Variants in FAM13C observed in about 807,000 individuals in gnomAD.
FAM13C encodes the protein protein FAM13C.
Under a neutral mutation model 73.2 loss-of-function variants are expected in FAM13C, and 37 were observed. The ratio of observed to expected loss-of-function variants is 0.51; its 90% CI spans 0.39 to 0.67. The LOEUF (loss-of-function observed/expected upper bound fraction) is 0.67, where lower values mean the gene tolerates loss of function less well. Among genes scored for constraint, FAM13C ranks in the 30% least tolerant of loss-of-function variants. The pLI is 0.00. For missense variants in FAM13C, 589 were observed against 715.6 expected (o/e 0.82, Z 2.02); for synonymous variants, 246 against 260.9 (o/e 0.94, Z 0.55).
intron 10 of FAM13C, among the ~76,000 whole-genome samples, chr10:59,256,444 T>C (rs1469460269): frequency 2.0e-5 from 3 of 152,216 alleles, no homozygotes; most frequent in East Asian, 3.9e-4. Flanking sequence ...AATGCCATTA[T>C]AGAAAACTAT....
chr10:59,251,785 C>T (rs1841405742), intron 12 of FAM13C, 109 bp from the exon 13 acceptor site: 3 of 815,502 alleles, frequency 3.7e-6, no homozygotes, highest in Non-Finnish European at 5.8e-6. Context: ...GAAAAGTGTT[C>T]CCATCATAAG....
intron 6 of FAM13C, among the ~76,000 whole-genome samples, chr10:59,281,414 G>A (rs1355074709): frequency 6.6e-6 from 1 of 152,054 alleles, no homozygotes; most frequent in Non-Finnish European, 1.5e-5. Flanking sequence ...TGTCACTTTG[G>A]CAATATCCCT....
At chr10:59,345,746 G>A (rs1446631637) in intron 3 of FAM13C, among the ~76,000 whole-genome samples, 1 of 152,176 alleles carries the variant, frequency 6.6e-6, no homozygotes, top group African/African-American at 2.4e-5. Flanking sequence ...GAAGAGTGAA[G>A]GAGAACTTGG....
At chr10:59,323,564 G>A (rs952994778) in intron 4 of FAM13C, 37 of 220,968 alleles carry the variant, frequency 1.7e-4, no homozygotes, top group Non-Finnish European at 7.3e-5. Context: ...TGAGTACACA[G>A]CTTTACGAGA....
At chr10:59,316,995 T>C (rs1018997125) in intron 4 of FAM13C, among the ~76,000 whole-genome samples, 16 of 152,272 alleles carry the variant, frequency 1.1e-4, no homozygotes, top group African/African-American at 3.9e-4. Context: ...AATTTATAAA[T>C]ATGTGTATGT....
intron 12 of FAM13C, 150 bp downstream of exon 12, chr10:59,252,649 A>G: frequency 1.5e-6 from 1 of 688,062 alleles, no homozygotes; most frequent in Non-Finnish European, 2.5e-6. Context: ...AAACTATCTC[A>G]TCTAAATGTA....
At chr10:59,259,521 A>G (rs749590334) in intron 10 of FAM13C, among the ~76,000 whole-genome samples, 2 of 152,148 alleles carry the variant, frequency 1.3e-5, no homozygotes, top group Non-Finnish European at 2.9e-5. Flanking sequence ...CTGGACTCAC[A>G]CTGAGTGTAG....
chr10:59,292,309 C>G (rs284599), intron 5 of FAM13C, among the ~76,000 whole-genome samples: 150,685 of 152,370 alleles, frequency 0.99, 74,528 homozygotes, highest in Middle Eastern at 1. Context: ...AAGGGCTGAA[C>G]TCCAAAGCTA....
At chr10:59,324,508 TCACACACACACA>T (rs140864889) in intron 3 of FAM13C, among the ~76,000 whole-genome samples, 2 of 149,048 alleles carry the variant, frequency 1.3e-5, no homozygotes, top group South Asian at 2.1e-4. Context: ...TCACACATAC[TCACACACACACA>T]CACACACCCC....
chr10:59,355,087 C>T lies in FAM13C; in HGVS notation c.119+800G>A, dbSNP rs1193175313. On this transcript the variant is annotated intron_variant, in intron 2 of 13. Transcript: ENST00000618804. ...TCAGGAATCAATCCAAGAAAGCTCT[C>T]TGGGCTGTTTGATTCTTCTAAGTAA... 2.0e-5 allele frequency among the ~76,000 whole-genome samples: 3 copies of T among 152,082 alleles called. No homozygotes were observed. In the East Asian group the frequency reaches 5.8e-4, roughly 29 times the overall value.
At chr10:59,247,787 T>A in intron 13 of FAM13C, 50 bp from the exon 14 acceptor site, 1 of 1,556,884 alleles carries the variant, frequency 6.4e-7, no homozygotes, top group African/African-American at 1.4e-5. Flanking sequence ...AAGTCATTAT[T>A]TAAACATTCT....
chr10:59,344,214 G>C (rs1474273784), intron 3 of FAM13C, among the ~76,000 whole-genome samples: 16 of 149,170 alleles, frequency 1.1e-4, no homozygotes, highest in Non-Finnish European at 1.9e-4. Flanking sequence ...CGCCCACCTT[G>C]GCCTCCGAAA....
At chr10:59,289,166 G>A (rs958201388) in intron 5 of FAM13C, among the ~76,000 whole-genome samples, 5 of 152,150 alleles carry the variant, frequency 3.3e-5, no homozygotes, top group Admixed American at 1.3e-4. Flanking sequence ...CCTCGCATGC[G>A]CAGTTCACAA....
At chr10:59,329,802 C>T (rs545322677) in intron 3 of FAM13C, among the ~76,000 whole-genome samples, 1 of 152,200 alleles carries the variant, frequency 6.6e-6, no homozygotes, top group Non-Finnish European at 1.5e-5. Flanking sequence ...TGAGCGCTTG[C>T]TCTGTAGCAG....
chr10:59,284,795 C>T (rs1177671903), intron 5 of FAM13C, among the ~76,000 whole-genome samples: 1 of 151,204 alleles, frequency 6.6e-6, no homozygotes, highest in Non-Finnish European at 1.5e-5. Context: ...ATCCAGCCCC[C>T]GAAACCTCCC....
chr10:59,362,416 G>C lies in FAM13C; in HGVS notation c.45C>G (p.Ser15Arg). Residue 15 changes from serine (S) to arginine (R), a missense_variant, in exon 1 of 14, where the codon AGC (serine) becomes AGG (arginine). Physicochemically the swap from Ser to Arg is moderately radical, Grantham distance 110 (BLOSUM62 -1). Transcript: ENST00000618804. ...TCACTTACTCTGTTACAGTGGTGCT[G>C]CTGAAGGAATTATCCTGAAGGCTGA... ...FCFSLQDNSF[S>R]STTVTECDED... 6.2e-7 allele frequency: 1 copy of C among 1,614,068 alleles called. No homozygotes were observed. Among genetic ancestry groups the C allele is most frequent in the Non-Finnish European group, 8.5e-7 (1 of 1,179,970 alleles).
intron 3 of FAM13C, among the ~76,000 whole-genome samples, chr10:59,344,438 A>C (rs287153): frequency 5.4e-5 from 6 of 111,692 alleles, no homozygotes; most frequent in Non-Finnish European, 9.7e-5. Context: ...GCCACCACGC[A>C]CGGCTGATTT....
intron 4 of FAM13C, among the ~76,000 whole-genome samples, chr10:59,314,206 G>A (rs1391990052): frequency 6.6e-6 from 1 of 152,130 alleles, no homozygotes; most frequent in East Asian, 1.9e-4. Flanking sequence ...GTATTGGCAA[G>A]CCATAGATCA....
intron 6 of FAM13C, among the ~76,000 whole-genome samples, chr10:59,276,281 T>C (rs1844314623): frequency 6.6e-6 from 1 of 152,164 alleles, no homozygotes; most frequent in Non-Finnish European, 1.5e-5. Flanking sequence ...TCCCTGGAAG[T>C]AGTTAGAAAT....
Sources: gnomAD v4.1 joint callset for allele counts (sites outside exome capture counted in the v4.1 genomes callset) on GRCh38, gnomAD v4.1.1 for gene constraint, MANE v1.5 for transcripts, NCBI Gene and HGNC (gene_info 2026-07-23, HGNC 2026-07-21) for gene names.